NRXN1: variants seen among roughly 807,000 people sequenced by gnomAD.
The protein encoded by NRXN1 is neurexin-1.
A neutral mutation model predicts 150.9 loss-of-function variants in NRXN1; 39 were observed. That is an observed-to-expected ratio of 0.26 (90% CI 0.20 to 0.34). The LOEUF (loss-of-function observed/expected upper bound fraction) is 0.34, where lower values mean the gene tolerates loss of function less well. NRXN1 is among the 10% of genes least tolerant of loss of function. The pLI is 1.00. For synonymous variants in NRXN1, 924 were observed against 757.0 expected (o/e 1.22, Z -3.62); for missense variants, 1,815 against 1,949.9 (o/e 0.93, Z 1.30).
intron 18 of NRXN1, among the ~76,000 whole-genome samples, chr2:50,211,121 T>G (rs1044861500): frequency 2.0e-5 from 3 of 151,600 alleles, no homozygotes; most frequent in African/African-American, 4.8e-5. Flanking sequence ...GCCACTAGAT[T>G]CAAGGGAAAC....
At chr2:51,016,792 G>T (rs1000822425) in intron 2 of NRXN1, among the ~76,000 whole-genome samples, 8 of 152,070 alleles carry the variant, frequency 5.3e-5, no homozygotes, top group African/African-American at 1.9e-4. Context: ...CTACTATAAA[G>T]ACACATGCAC....
chr2:50,851,014 A>G (rs1422973960), intron 5 of NRXN1, among the ~76,000 whole-genome samples: 2 of 152,188 alleles, frequency 1.3e-5, no homozygotes, highest in Admixed American at 1.3e-4. Context: ...TTTACTCATC[A>G]TCTTTCTAAT....
At chr2:50,701,303 A>G (rs1479942808) in intron 5 of NRXN1, among the ~76,000 whole-genome samples, 1 of 152,096 alleles carries the variant, frequency 6.6e-6, no homozygotes, top group East Asian at 1.9e-4. Context: ...TGTCATTATT[A>G]TTATTATATT....
chr2:50,557,055 T>A (rs1206157543), intron 8 of NRXN1, among the ~76,000 whole-genome samples: 2 of 152,124 alleles, frequency 1.3e-5, no homozygotes, highest in African/African-American at 4.8e-5. Flanking sequence ...GAAACACTAA[T>A]CCATTAGTAA....
chr2:50,200,675 T>C (rs1237390857), intron 18 of NRXN1, among the ~76,000 whole-genome samples: 1 of 152,130 alleles, frequency 6.6e-6, no homozygotes, highest in African/African-American at 2.4e-5. Context: ...TAAAATCATT[T>C]GGTTTCCTCT....
chr2:50,709,529 G>C (rs1472596949), intron 5 of NRXN1, among the ~76,000 whole-genome samples: 1 of 152,050 alleles, frequency 6.6e-6, no homozygotes, highest in Non-Finnish European at 1.5e-5. Flanking sequence ...CTTCAGAGAA[G>C]GTACCACTTT....
intron 21 of NRXN1, among the ~76,000 whole-genome samples, chr2:49,953,976 A>G (rs774784462): frequency 6.6e-6 from 1 of 152,090 alleles, no homozygotes; most frequent in Non-Finnish European, 1.5e-5. Context: ...ATACCTATGT[A>G]ACAAGCCTGC....
intron 17 of NRXN1, among the ~76,000 whole-genome samples, chr2:50,442,321 CA>C (rs201481004): frequency 0.014 from 2,112 of 152,254 alleles, 27 homozygotes; most frequent in Middle Eastern, 0.034. Flanking sequence ...TGAAATATTA[CA>C]AAATCCATAC....
chr2:50,803,105 C>G (rs562168095), intron 5 of NRXN1, among the ~76,000 whole-genome samples: 3 of 152,094 alleles, frequency 2.0e-5, no homozygotes, highest in Non-Finnish European at 2.9e-5. Context: ...AAAATTAAAA[C>G]AAGGATAATA....
intron 21 of NRXN1, among the ~76,000 whole-genome samples, chr2:50,028,592 T>G (rs1315291387): frequency 6.6e-6 from 1 of 152,166 alleles, no homozygotes; most frequent in Non-Finnish European, 1.5e-5. Context: ...GGATAGGCAA[T>G]CTCTCAGCAC....
chr2:50,859,142 T>C (rs1017030222), intron 5 of NRXN1, among the ~76,000 whole-genome samples: 1 of 152,052 alleles, frequency 6.6e-6, no homozygotes, highest in Admixed American at 6.6e-5. Flanking sequence ...ACATTTTTTT[T>C]TCCTTTATTT....
intron 2 of NRXN1, chr2:50,985,520 AATGTTTTAAG>A (rs1697554311): frequency 6.6e-6 from 1 of 151,824 alleles, no homozygotes; most frequent in African/African-American, 2.4e-5. Context: ...TGAAAAATAC[AATGTTTTAAG>A]ATCTACAAGA....
intron 17 of NRXN1, among the ~76,000 whole-genome samples, chr2:50,460,957 C>T (rs2088141963): frequency 6.6e-6 from 1 of 152,060 alleles, no homozygotes; most frequent in African/African-American, 2.4e-5. Context: ...AATCAGCTCA[C>T]AGCTTAATAC....
intron 17 of NRXN1, among the ~76,000 whole-genome samples, chr2:50,331,370 T>C (rs567886177): frequency 2.0e-5 from 3 of 152,098 alleles, no homozygotes; most frequent in East Asian, 3.9e-4. Flanking sequence ...GACCAAAGAG[T>C]GTTTTTATGG....
chr2:50,375,122 A>G (rs1194283011), intron 17 of NRXN1, among the ~76,000 whole-genome samples: 1 of 152,178 alleles, frequency 6.6e-6, no homozygotes, highest in East Asian at 1.9e-4. Context: ...ACTTGCATTC[A>G]TGATATATTG....
chr2:51,009,491 A>G (rs1558579458), intron 2 of NRXN1, among the ~76,000 whole-genome samples: 1 of 151,944 alleles, frequency 6.6e-6, no homozygotes, highest in Non-Finnish European at 1.5e-5. Flanking sequence ...CAAATTGCTC[A>G]GCTTAGTCAT....
intron 22 of NRXN1, among the ~76,000 whole-genome samples, chr2:49,928,994 C>A (rs943721647): frequency 4.6e-5 from 7 of 152,118 alleles, no homozygotes; most frequent in Admixed American, 4.6e-4. Flanking sequence ...ATCAATAAAC[C>A]TTTGCTACCT....
intron 18 of NRXN1, among the ~76,000 whole-genome samples, chr2:50,231,459 C>T (rs1280717860): frequency 2.0e-5 from 3 of 152,006 alleles, no homozygotes; most frequent in African/African-American, 7.2e-5. Context: ...TGTTTCTAGT[C>T]TACACTAAAA....
intron 18 of NRXN1, among the ~76,000 whole-genome samples, chr2:50,230,956 A>G (rs1004410814): frequency 6.6e-6 from 1 of 152,102 alleles, no homozygotes; most frequent in Non-Finnish European, 1.5e-5. Flanking sequence ...CATGGTGAAA[A>G]GGCATTATTT....
Sources: allele counts gnomAD v4.1 joint callset (sites outside exome capture counted in the v4.1 genomes callset), GRCh38; gene constraint gnomAD v4.1.1; transcripts MANE v1.5; gene names NCBI Gene and HGNC (gene_info 2026-07-23, HGNC 2026-07-21).